Variants in SFXN5 observed in about 807,000 individuals in gnomAD.
SFXN5 encodes sideroflexin 5, also known as sideroflexin-5.
A neutral mutation model predicts 50.2 loss-of-function variants in SFXN5; 43 were observed. The observed-to-expected ratio is 0.86, with a 90% CI of 0.67 to 1.11. The LOEUF is 1.11. Among genes scored for constraint, SFXN5 ranks in the 50% least tolerant of loss-of-function variants. SFXN5 has a pLI of 0.00. For synonymous variants in SFXN5, 203 were observed against 185.8 expected, an observed-to-expected ratio of 1.09 and a Z score of -0.75; for missense variants, 463 against 454.1, an observed-to-expected ratio of 1.02 and a Z score of -0.18.
At chr2:72,984,310 C>T (rs907809893) in intron 10 of SFXN5, among the ~76,000 whole-genome samples, 1 of 152,262 alleles carries the variant, frequency 6.6e-6, no homozygotes, top group African/African-American at 2.4e-5. Context: ...CCCACATACT[C>T]AGCACATGTG....
chr2:72,955,933 G>A (rs1177527255), intron 13 of SFXN5, among the ~76,000 whole-genome samples: 4 of 152,256 alleles, frequency 2.6e-5, no homozygotes, highest in African/African-American at 7.2e-5. Context: ...AAGCTGCCGC[G>A]CAGCCTCTGC....
At chr2:72,970,784 T>A (rs1675074795) in intron 11 of SFXN5, among the ~76,000 whole-genome samples, 2 of 150,920 alleles carry the variant, frequency 1.3e-5, no homozygotes, top group South Asian at 4.2e-4. Flanking sequence ...ACCCCCCGGG[T>A]TCAAGCAATT....
chr2:73,002,512 C>T (rs536783301), intron 6 of SFXN5, among the ~76,000 whole-genome samples: 112 of 152,342 alleles, frequency 7.4e-4, no homozygotes, highest in African/African-American at 2.3e-3. Flanking sequence ...CAACCATCCA[C>T]ATATTGACTT....
At chr2:73,071,707 GCCACTGA>G in exon 1 of SFXN5, 3 of 1,611,658 alleles carry the variant, frequency 1.9e-6, no homozygotes, top group Non-Finnish European at 2.5e-6. Flanking sequence ...ATCCGCCATG[GCCACTGA>G]CGCCCGCAAT....
Position 72,944,942 on chromosome 2 carries a change from C to A in SFXN5, c.*80G>T. ...GCTGGGGTTGGCGTGCTGCTCCCTG[C>A]AGGTGCAGCCGTGAGTCTACGGCCC... On this transcript the variant is annotated 3_prime_UTR_variant, in exon 14 of 14. Transcript: ENST00000272433. 1 of 1,344,746 alleles carries A rather than the reference C, an allele frequency of 7.4e-7. No homozygotes were observed. Among genetic ancestry groups the A allele is most frequent in the East Asian group, 2.4e-5 (1 of 40,934 alleles). 83.3% of individuals were successfully genotyped at this position (1,344,746 alleles called of 1,614,324 possible).
chr2:73,021,076 G>C (rs940167345), intron 5 of SFXN5, among the ~76,000 whole-genome samples: 3 of 152,202 alleles, frequency 2.0e-5, no homozygotes, highest in Non-Finnish European at 4.4e-5. Flanking sequence ...TCTCTGGGGA[G>C]AGAACCAGAG....
rs1672175755 is a variant in SFXN5, at chr2:72,988,459, C to T, written c.535-111G>A. 6.5e-6 allele frequency: 6 copies of T among 922,624 alleles called. No homozygotes were observed. The South Asian group carries it at 9.6e-5, about 15-fold the overall frequency. The allele number at this position is 922,624 out of a possible 1,614,324, so 57.2% of individuals were successfully genotyped here. On this transcript the variant is annotated intron_variant, in intron 9 of 13. Transcript: ENST00000272433. ...CAGAGAGTGAGGGATGTCATCTTTC[C>T]CCACAACTGCACCTCACACCCCTAA...
chr2:72,967,117 C>T (rs1483339578), intron 12 of SFXN5: 1 of 152,260 alleles, frequency 6.6e-6, no homozygotes, highest in African/African-American at 2.4e-5. Context: ...CATAGCCTGT[C>T]TTTGCCTTCC....
chr2:73,012,316 G>A (rs556870049), intron 6 of SFXN5, among the ~76,000 whole-genome samples: 2 of 152,024 alleles, frequency 1.3e-5, no homozygotes, highest in East Asian at 3.9e-4. Flanking sequence ...TGTATTACTT[G>A]TATAACTTTT....
chr2:72,945,174 GACC>G lies in SFXN5; in HGVS notation c.946-78_946-76del. The G allele has an allele frequency of 7.2e-7, 1 of 1,389,756 alleles. No individual in the cohort carries two copies. The highest frequency in any genetic ancestry group is 1.0e-6 in the Non-Finnish European group (1 of 991,732). 86.1% of individuals were successfully genotyped at this position (1,389,756 alleles called of 1,614,324 possible). A position where few individuals can be genotyped will look rare whatever the true frequency, so the allele number is the denominator to read the frequency against. On this transcript the variant is annotated intron_variant, in intron 13 of 13. Coordinates refer to ENST00000272433, the MANE Select transcript of SFXN5 (RefSeq NM_144579.3). This position sits in a 1 kb window ranked among gnomAD's most constrained non-coding sequence, Gnocchi z 5.8. ...TAGTGGGGCTGGGAGCTGCAGTGAG[GACC>G]ACCCTGGGCCCCAGAGCTCTGCCCC...
At chr2:73,027,322 A>G (rs1237927856) in intron 3 of SFXN5, among the ~76,000 whole-genome samples, 1 of 152,238 alleles carries the variant, frequency 6.6e-6, no homozygotes, top group Admixed American at 6.5e-5. Flanking sequence ...AAATGTTTAA[A>G]AATAGGAAAG....
At chr2:73,029,649 T>C (rs1392218134) in intron 3 of SFXN5, among the ~76,000 whole-genome samples, 1 of 152,190 alleles carries the variant, frequency 6.6e-6, no homozygotes, top group East Asian at 1.9e-4. Context: ...TGTCAGTGTC[T>C]GAGGTTGGCC....
intron 13 of SFXN5, among the ~76,000 whole-genome samples, chr2:72,956,766 G>A (rs901569716): frequency 2.6e-5 from 4 of 151,946 alleles, no homozygotes; most frequent in Non-Finnish European, 5.9e-5. Flanking sequence ...ATGCCTTCCC[G>A]CCTTGGGCTC....
At chr2:73,011,637 C>T (rs983940835) in intron 6 of SFXN5, among the ~76,000 whole-genome samples, 3 of 152,038 alleles carry the variant, frequency 2.0e-5, no homozygotes, top group Non-Finnish European at 2.9e-5. Context: ...AGGGGGAATA[C>T]AAATCACCAA....
At chr2:73,037,718 C>T (rs929197618) in intron 3 of SFXN5, among the ~76,000 whole-genome samples, 2 of 152,116 alleles carry the variant, frequency 1.3e-5, no homozygotes, top group East Asian at 1.9e-4. Context: ...AAGAAAATAG[C>T]GCAATGGTCT....
chr2:73,007,756 CACA>C (rs1463955362), intron 6 of SFXN5, among the ~76,000 whole-genome samples: 1 of 152,204 alleles, frequency 6.6e-6, no homozygotes, highest in African/African-American at 2.4e-5. Context: ...TACCCCAACA[CACA>C]ACAATTGTCC....
chr2:72,953,360 G>A lies in SFXN5; in HGVS notation c.945+7771C>T, dbSNP rs149509410. On this transcript the variant is annotated intron_variant, in intron 13 of 13. Coordinates refer to ENST00000272433, the MANE Select transcript of SFXN5 (RefSeq NM_144579.3). This position sits in a 1 kb window ranked among gnomAD's most constrained non-coding sequence, Gnocchi z 4.1. ...CCCCAAACAAACATCTCCAAGCAAA[G>A]TAGGAGATGGATTTGAGACTGGAGG... 1.2e-4 allele frequency among the ~76,000 whole-genome samples: 18 copies of A among 152,310 alleles called. 2 individuals carry two copies. The highest frequency in any genetic ancestry group is 4.3e-4 in the African/African-American group (18 of 41,568).
In SFXN5 at chr2:72,961,540, G is replaced by A. The variant is rs528660174; in HGVS notation, c.828-292C>T. On this transcript the variant is annotated intron_variant, in intron 12 of 13. Coordinates refer to ENST00000272433, the MANE Select transcript of SFXN5 (RefSeq NM_144579.3). The surrounding 1 kb of genome is among the most constrained non-coding windows in gnomAD (Gnocchi z 4.4). ...TACTTTCGGGGCACCCACCCGCCACGCGTCCAGCCCCGTGCCAAGAAGGCC... is the reference window on the plus strand; with the variant it reads ...TACTTTCGGGGCACCCACCCGCCACACGTCCAGCCCCGTGCCAAGAAGGCC... Among the ~76,000 whole-genome samples, 3 of 152,166 alleles carry A rather than the reference G, an allele frequency of 2.0e-5. No homozygotes were observed. The highest frequency in any genetic ancestry group is 4.8e-5 in the African/African-American group (2 of 41,444).
Position 72,971,672 on chromosome 2 carries a change from G to C in SFXN5, c.639C>G (p.Ile213Met). The C allele has an allele frequency of 6.2e-7, 1 of 1,613,846 alleles. No individual in the cohort carries two copies. Among genetic ancestry groups the C allele is most frequent in the South Asian group, 1.1e-5 (1 of 91,072 alleles). Residue 213 changes from isoleucine to methionine, a missense_variant, in exon 11 of 14, where the codon ATC becomes ATG. Transcript: ENST00000272433. ...VPFPAVASAN[I>M]CNVVLMRYGE... ...CGTACCGCATCAGGACCACATTGCA[G>C]ATATTGGCACTGGCTGCAGAGAGAG...
Sources: gnomAD v4.1 joint callset for allele counts (sites outside exome capture counted in the v4.1 genomes callset) on GRCh38, gnomAD v4.1.1 for gene constraint, Gnocchi (gnomAD v3.1) non-coding constraint, MANE v1.5 for transcripts, NCBI Gene and HGNC (gene_info 2026-07-23, HGNC 2026-07-21) for gene names.